ARHGEF4: variants seen among roughly 807,000 people sequenced by gnomAD.
ARHGEF4 encodes the protein APC-stimulated guanine nucleotide exchange factor 1.
A neutral mutation model predicts 162.0 loss-of-function variants in ARHGEF4; 119 were observed. The observed-to-expected ratio is 0.73, with a 90% CI of 0.63 to 0.86. The LOEUF is 0.86. Among genes scored for constraint, ARHGEF4 ranks in the 40% least tolerant of loss-of-function variants. The pLI, the probability that ARHGEF4 is intolerant of heterozygous loss-of-function variation, is 0.00. For synonymous variants in ARHGEF4, 1,014 were observed against 979.9 expected, an observed-to-expected ratio of 1.03 and a Z score of -0.65; for missense variants, 2,488 against 2,456.0, an observed-to-expected ratio of 1.01 and a Z score of -0.28.
chr2:130,952,343 C>G (rs950251117), intron 4 of ARHGEF4, among the ~76,000 whole-genome samples: 5 of 152,060 alleles, frequency 3.3e-5, no homozygotes, highest in South Asian at 2.1e-4. Context: ...TTTTAGCAGG[C>G]CTTTGACAGA....
chr2:131,041,956 G>T lies in ARHGEF4; in HGVS notation c.5025+12G>T. On this transcript the variant is annotated intron_variant, in intron 10 of 13. Transcript: ENST00000409359. ...TAGAGGACTGGGAGGTGAGGGCCTG[G>T]GGGCACAGAAAATTCCAGGAGGTCT... The T allele has an allele frequency of 6.2e-7, 1 of 1,609,124 alleles. No individual in the cohort carries two copies. Among genetic ancestry groups the T allele is most frequent in the South Asian group, 1.1e-5 (1 of 90,714 alleles).
intron 1 of ARHGEF4, among the ~76,000 whole-genome samples, chr2:130,886,495 T>A (rs752733879): frequency 6.6e-6 from 1 of 151,714 alleles, no homozygotes; most frequent in East Asian, 1.9e-4. Flanking sequence ...CTGGCTAACA[T>A]GGTGAAACCC....
intron 1 of ARHGEF4, among the ~76,000 whole-genome samples, chr2:130,843,738 G>A (rs997438448): frequency 2.6e-5 from 4 of 152,212 alleles, no homozygotes; most frequent in Non-Finnish European, 4.4e-5. Flanking sequence ...TCCAAAGGTT[G>A]TTCTCTCCCT....
intron 5 of ARHGEF4, chr2:131,035,191 G>GTGGTCTCCGCCGTGC: frequency 8.2e-7 from 1 of 1,222,990 alleles, no homozygotes; most frequent in Non-Finnish European, 1.0e-6. Context: ...CCAGCGCGTG[G>GTGGTCTCCGCCGTGC]TGGTCTCCGC....
At chr2:130,850,824 C>A (rs914701943) in intron 1 of ARHGEF4, among the ~76,000 whole-genome samples, 1 of 152,252 alleles carries the variant, frequency 6.6e-6, no homozygotes, top group African/African-American at 2.4e-5. Context: ...ACTGTACAGT[C>A]TTTCCAACAA....
intron 1 of ARHGEF4, among the ~76,000 whole-genome samples, chr2:130,837,288 C>A (rs904500716): frequency 1.3e-5 from 2 of 152,108 alleles, no homozygotes; most frequent in Non-Finnish European, 2.9e-5. Context: ...AGCCGGCCTC[C>A]CCGCACCTGG....
chr2:130,992,987 G>A (rs917108298), intron 4 of ARHGEF4, among the ~76,000 whole-genome samples: 1 of 152,206 alleles, frequency 6.6e-6, no homozygotes, highest in Non-Finnish European at 1.5e-5. Flanking sequence ...GGGAGGCTGA[G>A]GCAGGGGAAT....
At chr2:130,939,731 C>A (rs1483119694) in intron 3 of ARHGEF4, among the ~76,000 whole-genome samples, 1 of 152,240 alleles carries the variant, frequency 6.6e-6, no homozygotes, top group South Asian at 2.1e-4. Context: ...ACAGGTATAT[C>A]TTTTCATTTA....
chr2:130,976,531 G>A (rs777892181), intron 4 of ARHGEF4, among the ~76,000 whole-genome samples: 4 of 152,158 alleles, frequency 2.6e-5, no homozygotes, highest in Non-Finnish European at 4.4e-5. Flanking sequence ...TCTGAATTTC[G>A]GTCACTAAAG....
chr2:131,028,641 C>A (rs1452827421), intron 5 of ARHGEF4, among the ~76,000 whole-genome samples: 2 of 152,234 alleles, frequency 1.3e-5, no homozygotes, highest in Non-Finnish European at 2.9e-5. Flanking sequence ...TCTGAGTTCT[C>A]CCTTTGCATT....
chr2:130,912,735 A>C (rs1372639993), intron 1 of ARHGEF4, among the ~76,000 whole-genome samples: 2 of 152,098 alleles, frequency 1.3e-5, no homozygotes, highest in Non-Finnish European at 2.9e-5. Flanking sequence ...GCAGTTTGTC[A>C]GAGTTCAAGT....
At chr2:130,939,822 T>C (rs1178215962) in intron 3 of ARHGEF4, among the ~76,000 whole-genome samples, 1 of 152,240 alleles carries the variant, frequency 6.6e-6, no homozygotes, top group Admixed American at 6.5e-5. Context: ...AATGTATACT[T>C]TTGTATTTAA....
At chr2:130,963,917 C>T (rs1217559261) in intron 4 of ARHGEF4, 1 of 147,758 alleles carries the variant, frequency 6.8e-6, no homozygotes, top group African/African-American at 2.4e-5. Context: ...CCCGCACGCC[C>T]CTCGCCCTCC....
chr2:130,980,171 T>G (rs946068572), intron 4 of ARHGEF4, among the ~76,000 whole-genome samples: 1 of 152,078 alleles, frequency 6.6e-6, no homozygotes, highest in Middle Eastern at 3.2e-3. Context: ...CCGAGGCAGG[T>G]GGATCACTTG....
intron 2 of ARHGEF4, among the ~76,000 whole-genome samples, chr2:130,927,584 G>A (rs1022757369): frequency 1.3e-5 from 2 of 152,198 alleles, no homozygotes; most frequent in Non-Finnish European, 2.9e-5. Flanking sequence ...TGTCTTGCTA[G>A]GCTGGTCCTT....
chr2:130,916,628 C>G lies in ARHGEF4; in HGVS notation c.2682C>G (p.Asn894Lys), dbSNP rs368979573. 1.2e-4 allele frequency: 185 copies of G among 1,550,562 alleles called. No homozygotes were observed. The African/African-American group carries it at 2.3e-3, about 19-fold the overall frequency. Residue 894 changes from asparagine (N) to lysine (K), a missense_variant, in exon 2 of 14, where the codon AAC becomes AAG. Physicochemically the swap from Asn to Lys is moderately conservative, Grantham distance 94. Around this residue, in one of 6 missense-constraint regions of ARHGEF4, gnomAD observed 1,642 missense variants for 1,481.5 expected, o/e 1.11. Transcript: ENST00000409359. ...GSRGPSSESC[N>K]AKRLKTTEKK... Reference sequence around the variant, plus strand: ...GAGGGCCTTCCTCTGAGAGCTGCAACGCAAAGAGACTCAAAACAACGGAGA... The same window carrying G: ...GAGGGCCTTCCTCTGAGAGCTGCAAGGCAAAGAGACTCAAAACAACGGAGA...
rs891439839 is a variant in ARHGEF4 at position 131,028,670 on chromosome 2, G to A, written c.4125+586G>A. ...TTGCATTCCCAATAAGAGAGGAATCGTGATGCTTTAACGCCCCTCTCTTTC... is the reference window on the plus strand; with the variant it reads ...TTGCATTCCCAATAAGAGAGGAATCATGATGCTTTAACGCCCCTCTCTTTC... On this transcript the variant is annotated intron_variant, in intron 5 of 13. Coordinates refer to ENST00000409359, the MANE Select transcript of ARHGEF4 (RefSeq NM_001367493.1). Among the ~76,000 whole-genome samples, 3 of 152,170 alleles carry A rather than the reference G, an allele frequency of 2.0e-5. No homozygotes were observed. In the South Asian group the frequency reaches 6.2e-4, roughly 31 times the overall value.
chr2:130,989,282 C>T (rs945266200), intron 4 of ARHGEF4, among the ~76,000 whole-genome samples: 3 of 152,154 alleles, frequency 2.0e-5, no homozygotes, highest in Admixed American at 6.5e-5. Flanking sequence ...TTTCTGAAGA[C>T]AAACTTCCAG....
At chr2:130,920,200 C>T (rs1157898248) in intron 2 of ARHGEF4, among the ~76,000 whole-genome samples, 1 of 152,158 alleles carries the variant, frequency 6.6e-6, no homozygotes, top group African/African-American at 2.4e-5. Flanking sequence ...CCTGGATCTC[C>T]CAGGCTCAAG....
Sources: allele counts gnomAD v4.1 joint callset (sites outside exome capture counted in the v4.1 genomes callset), GRCh38; gene constraint gnomAD v4.1.1; regional missense constraint gnomAD v4.1.1; transcripts MANE v1.5; gene names NCBI Gene and HGNC (gene_info 2026-07-23, HGNC 2026-07-21).